The following CCDC15 variants were observed in gnomAD, a reference collection of about 807,000 sequenced individuals.
CCDC15 encodes coiled-coil domain containing 15.
In CCDC15, 105 loss-of-function variants were observed where a neutral mutation model predicts 114.5. The observed-to-expected ratio is 0.92, with a 90% CI of 0.78 to 1.08. The LOEUF is 1.08. CCDC15 is among the 50% of genes least tolerant of loss of function. CCDC15 has a pLI of 0.00. For synonymous variants in CCDC15, 334 were observed against 377.8 expected (o/e 0.88, Z 1.34); for missense variants, 1,105 against 1,093.6 (o/e 1.01, Z -0.15).
chr11:125,007,204 A>G (rs1948559139), intron 13 of CCDC15, among the ~76,000 whole-genome samples: 1 of 152,160 alleles, frequency 6.6e-6, no homozygotes, highest in Non-Finnish European at 1.5e-5. Context: ...GTCTAACTGT[A>G]TGTTTATACC....
chr11:125,032,914 C>T (rs1485343097), intron 13 of CCDC15, among the ~76,000 whole-genome samples: 1 of 152,226 alleles, frequency 6.6e-6, no homozygotes, highest in Non-Finnish European at 1.5e-5. Flanking sequence ...TCAGTGTCAG[C>T]TCAGAGTCAG....
At chr11:125,028,120 G>A (rs1337615909) in intron 13 of CCDC15, among the ~76,000 whole-genome samples, 1 of 152,080 alleles carries the variant, frequency 6.6e-6, no homozygotes, top group Non-Finnish European at 1.5e-5. Flanking sequence ...TGTACTACGG[G>A]CACTAAGTAT....
chr11:124,991,359 T>A, intron 8 of CCDC15, 102 bp from the exon 9 acceptor site: 1 of 712,478 alleles, frequency 1.4e-6, no homozygotes, highest in Admixed American at 3.1e-5. Context: ...TATATTATCC[T>A]GAAAAAAACT....
At chr11:125,040,226 G>A (rs991198807) in intron 15 of CCDC15, among the ~76,000 whole-genome samples, 1 of 151,786 alleles carries the variant, frequency 6.6e-6, no homozygotes, top group Non-Finnish European at 1.5e-5. Context: ...TAGTAGATAC[G>A]GGGGTTTGCC....
At chr11:124,968,451 A>C (rs1041508122) in intron 4 of CCDC15, among the ~76,000 whole-genome samples, 1 of 152,026 alleles carries the variant, frequency 6.6e-6, no homozygotes, top group Non-Finnish European at 1.5e-5. Context: ...TGGGTGTGGG[A>C]CCTGCCAAGC....
intron 13 of CCDC15, 129 bp downstream of exon 13, chr11:125,005,341 G>T: frequency 2.1e-6 from 1 of 478,860 alleles, no homozygotes; most frequent in Non-Finnish European, 3.7e-6. Flanking sequence ...TGATCTGGGT[G>T]AAGTATTGGA....
chr11:124,992,533 C>T (rs1362655563), intron 9 of CCDC15, 47 bp from the exon 10 acceptor site: 5 of 1,141,850 alleles, frequency 4.4e-6, no homozygotes, highest in Admixed American at 2.0e-5. Flanking sequence ...TAGCATTACA[C>T]AATTTTTTTT....
chr11:124,978,898 T>C (rs1030625475), intron 6 of CCDC15, among the ~76,000 whole-genome samples: 1 of 152,178 alleles, frequency 6.6e-6, no homozygotes, highest in Non-Finnish European at 1.5e-5. Flanking sequence ...TGATATTTCC[T>C]ATGTTATCTT....
intron 4 of CCDC15, among the ~76,000 whole-genome samples, chr11:124,970,295 C>T (rs970731151): frequency 1.5e-4 from 23 of 152,128 alleles, no homozygotes; most frequent in Non-Finnish European, 3.1e-4. Flanking sequence ...GCCCAGCTTG[C>T]CTTTTTGCAT....
At chr11:124,993,349 G>A in intron 11 of CCDC15, 106 bp downstream of exon 11, 1 of 694,040 alleles carries the variant, frequency 1.4e-6, no homozygotes, top group South Asian at 1.7e-5. Context: ...GCTGAAGATT[G>A]ACAGGGCAAT....
chr11:124,991,599 A>G lies in CCDC15; in HGVS notation c.2031+16A>G. On this transcript the variant is annotated intron_variant, in intron 9 of 15. Coordinates refer to ENST00000344762, the MANE Select transcript of CCDC15 (RefSeq NM_025004.3). The stretch of plus-strand genomic sequence containing the variant: ...CAAAAATCAGGTAGAGTAGAAGAAA[A>G]AGATATAAACAGGAAGGAAGTACCC... 1.3e-6 allele frequency: 2 copies of G among 1,589,040 alleles called. No homozygotes were observed. The highest frequency in any genetic ancestry group is 2.7e-5 in the African/African-American group (2 of 74,036).
At chr11:125,023,476 G>A (rs1464889117) in intron 13 of CCDC15, among the ~76,000 whole-genome samples, 4 of 151,912 alleles carry the variant, frequency 2.6e-5, no homozygotes, top group Admixed American at 6.6e-5. Context: ...CAATTTAAAA[G>A]TGGACAAGGA....
At chr11:124,998,381 G>A (rs1948411195) in intron 11 of CCDC15, among the ~76,000 whole-genome samples, 1 of 152,074 alleles carries the variant, frequency 6.6e-6, no homozygotes, top group South Asian at 2.1e-4. Flanking sequence ...CAGGCAGGAA[G>A]GTAAATTCCG....
chr11:124,995,831 T>G (rs898686136), intron 11 of CCDC15, among the ~76,000 whole-genome samples: 3 of 151,978 alleles, frequency 2.0e-5, no homozygotes, highest in African/African-American at 7.2e-5. Context: ...GAATAGCCTT[T>G]TCTCCTTTTT....
At chr11:125,010,380 G>GTTTTTTTTTTTTTTT in intron 13 of CCDC15, among the ~76,000 whole-genome samples, 1 of 134,724 alleles carries the variant, frequency 7.4e-6, no homozygotes, top group African/African-American at 2.7e-5. Context: ...TTTGCCTGGT[G>GTTTTTTTTTTTTTTT]TTTTTTTTTT....
intron 13 of CCDC15, among the ~76,000 whole-genome samples, chr11:125,015,562 C>G (rs929707921): frequency 2.0e-5 from 3 of 152,108 alleles, no homozygotes; most frequent in Non-Finnish European, 2.9e-5. Context: ...AATCCCGTAT[C>G]ACTGAAAGAA....
intron 11 of CCDC15, among the ~76,000 whole-genome samples, chr11:125,002,492 T>G (rs1350266241): frequency 1.3e-5 from 2 of 152,178 alleles, no homozygotes; most frequent in African/African-American, 4.8e-5. Context: ...ATCACAAAGA[T>G]TGACTCCTAT....
chr11:125,035,437 C>G (rs901239473), intron 13 of CCDC15, among the ~76,000 whole-genome samples: 3 of 151,536 alleles, frequency 2.0e-5, no homozygotes, highest in Admixed American at 1.3e-4. Flanking sequence ...AATATTTTTT[C>G]CATCTCTTTA....
intron 4 of CCDC15, among the ~76,000 whole-genome samples, chr11:124,963,846 C>T (rs1947717919): frequency 6.6e-6 from 1 of 152,194 alleles, no homozygotes; most frequent in Non-Finnish European, 1.5e-5. Flanking sequence ...GATCCAGTTT[C>T]AGCTTTCTAC....
Sources: allele counts gnomAD v4.1 joint callset (sites outside exome capture counted in the v4.1 genomes callset), GRCh38; gene constraint gnomAD v4.1.1; transcripts MANE v1.5; gene names NCBI Gene and HGNC (gene_info 2026-07-23, HGNC 2026-07-21).